The following SOX5 variants were observed in gnomAD, a reference collection of about 807,000 sequenced individuals.
SOX5 encodes transcription factor SOX-5.
A neutral mutation model predicts 92.0 loss-of-function variants in SOX5; 9 were observed. The observed-to-expected ratio is 0.10, with a 90% confidence interval of 0.06 to 0.17. SOX5 has a LOEUF of 0.17. Among genes scored for constraint, SOX5 ranks in the 10% least tolerant of loss-of-function variants. The probability of loss-of-function intolerance (pLI) is 1.00; values close to 1 mark genes in which losing one functional copy is unlikely to be tolerated. For missense variants in SOX5, 642 were observed against 944.5 expected (o/e 0.68, Z 4.20); for synonymous variants, 344 against 336.3 (o/e 1.02, Z -0.25).
chr12:24,282,101 T>C (rs1163119122), intron 2 of SOX5, among the ~76,000 whole-genome samples: 1 of 152,214 alleles, frequency 6.6e-6, no homozygotes, highest in Non-Finnish European at 1.5e-5. Flanking sequence ...CCGTAGTACT[T>C]TGCTATGCTG....
At chr12:23,815,398 C>T (rs2095969477) in intron 3 of SOX5, among the ~76,000 whole-genome samples, 2 of 152,146 alleles carry the variant, frequency 1.3e-5, no homozygotes, top group African/African-American at 4.8e-5. Flanking sequence ...GTACCAACAA[C>T]AACCTTTTTT....
In SOX5 at chr12:24,412,217, T is replaced by G. The variant is rs111788922; in HGVS notation, c.-250-43578A>C. On this transcript the variant is annotated intron_variant, in intron 1 of 4. Coordinates refer to the SOX5 transcript ENST00000446891. Reference sequence around the variant, plus strand: ...CTCTGTTAGTCTTACTAGAAATTTGTCAATTTTACTGATCTTTTAAAGTAA... The same window carrying G: ...CTCTGTTAGTCTTACTAGAAATTTGGCAATTTTACTGATCTTTTAAAGTAA... 4.0e-3 allele frequency among the ~76,000 whole-genome samples: 607 copies of G among 152,302 alleles called. 4 individuals are homozygous for G. The highest frequency in any genetic ancestry group is 0.017 in the Middle Eastern group (5 of 294).
chr12:24,412,596 C>A (rs557808218), intron 1 of SOX5, among the ~76,000 whole-genome samples: 1 of 151,990 alleles, frequency 6.6e-6, no homozygotes, highest in African/African-American at 2.4e-5. Context: ...TTCCTGTTCT[C>A]TTTCTGTTAT....
intron 3 of SOX5, among the ~76,000 whole-genome samples, chr12:24,262,822 T>A (rs1442147910): frequency 1.3e-5 from 2 of 152,196 alleles, no homozygotes; most frequent in Non-Finnish European, 2.9e-5. Flanking sequence ...TGACACAACT[T>A]CTGACAAAAG....
chr12:23,663,443 C>A (rs1247564082), intron 7 of SOX5, among the ~76,000 whole-genome samples: 2 of 152,058 alleles, frequency 1.3e-5, no homozygotes, highest in Admixed American at 6.6e-5. Context: ...TGTTCTTGAC[C>A]TTTTCCAGGC....
chr12:23,888,357 G>T (rs2097093520), intron 2 of SOX5, among the ~76,000 whole-genome samples: 1 of 151,970 alleles, frequency 6.6e-6, no homozygotes, highest in Non-Finnish European at 1.5e-5. Context: ...ACACTGTGTG[G>T]GGATAATAGT....
chr12:24,541,520 A>G (rs866207900), intron 1 of SOX5, among the ~76,000 whole-genome samples: 29 of 152,174 alleles, frequency 1.9e-4, no homozygotes, highest in African/African-American at 6.5e-4. Context: ...ATTTTTCCTT[A>G]GCTGCCCTAC....
At chr12:23,627,778 C>G (rs894224462) in intron 8 of SOX5, among the ~76,000 whole-genome samples, 1 of 151,684 alleles carries the variant, frequency 6.6e-6, no homozygotes, top group Non-Finnish European at 1.5e-5. Context: ...AATATTATTA[C>G]TTGTAAGTTT....
At chr12:24,272,335 T>G (rs1943869015) in intron 3 of SOX5, among the ~76,000 whole-genome samples, 1 of 152,134 alleles carries the variant, frequency 6.6e-6, no homozygotes, top group Admixed American at 6.6e-5. Flanking sequence ...GACAGTTAGT[T>G]GTTTCTTTTT....
Position 24,501,695 on chromosome 12 carries a change from T to C in SOX5, c.-251+60634A>G, listed in dbSNP as rs775120650. Among the ~76,000 whole-genome samples the C allele has an allele frequency of 3.6e-4, 54 of 151,982 alleles. 2 individuals carry two copies. The highest frequency in any genetic ancestry group is 1.3e-4 in the Admixed American group (2 of 15,256). On this transcript the variant is annotated intron_variant, in intron 1 of 4. Coordinates refer to the SOX5 transcript ENST00000446891. ...ACCAAAAATTAGCTGAGTGTTGTGGTGTGCACCTGTAGCCCCAGTTACTTG... is the reference window on the plus strand; with the variant it reads ...ACCAAAAATTAGCTGAGTGTTGTGGCGTGCACCTGTAGCCCCAGTTACTTG...
At chr12:23,892,655 A>AT (rs769901323) in intron 2 of SOX5, among the ~76,000 whole-genome samples, 1 of 152,234 alleles carries the variant, frequency 6.6e-6, no homozygotes, top group Non-Finnish European at 1.5e-5. Flanking sequence ...ACAGAAAAAA[A>AT]CAGCTGGAAT....
At chr12:24,278,464 G>A (rs1944757601) in intron 2 of SOX5, among the ~76,000 whole-genome samples, 1 of 152,116 alleles carries the variant, frequency 6.6e-6, no homozygotes, top group South Asian at 2.1e-4. Flanking sequence ...TGTAATCCCA[G>A]CACTCTGGGA....
chr12:24,160,472 A>G (rs992795137), intron 4 of SOX5, among the ~76,000 whole-genome samples: 3 of 152,000 alleles, frequency 2.0e-5, no homozygotes, highest in African/African-American at 7.2e-5. Flanking sequence ...AATATTTATA[A>G]TCAATGAAGT....
intron 3 of SOX5, among the ~76,000 whole-genome samples, chr12:24,228,748 T>C (rs538272609): frequency 3.4e-4 from 51 of 152,126 alleles, no homozygotes; most frequent in African/African-American, 1.2e-3. Flanking sequence ...CCCTGAATAT[T>C]TCTCCTTCAT....
At chr12:24,283,154 G>T (rs2140431738) in intron 2 of SOX5, among the ~76,000 whole-genome samples, 1 of 152,206 alleles carries the variant, frequency 6.6e-6, no homozygotes, top group South Asian at 2.1e-4. Flanking sequence ...TGTAATTAAA[G>T]GTTTTACTAT....
intron 1 of SOX5, among the ~76,000 whole-genome samples, chr12:24,517,766 T>A (rs1457031260): frequency 6.6e-6 from 1 of 151,952 alleles, no homozygotes; most frequent in African/African-American, 2.4e-5. Flanking sequence ...GGTAAGCTTA[T>A]ATTCCTACAC....
chr12:24,074,595 T>A (rs1351526540), intron 4 of SOX5, among the ~76,000 whole-genome samples: 1 of 124,114 alleles, frequency 8.1e-6, no homozygotes, highest in South Asian at 2.6e-4. Flanking sequence ...CACACAAACC[T>A]GGTGTCAGGC....
chr12:24,418,429 C>T (rs933737278), intron 1 of SOX5, among the ~76,000 whole-genome samples: 5 of 152,158 alleles, frequency 3.3e-5, no homozygotes, highest in East Asian at 1.9e-4. Context: ...AATGGGCATA[C>T]GACACTATGT....
chr12:23,551,455 G>A (rs574529675), intron 11 of SOX5, among the ~76,000 whole-genome samples: 3 of 151,842 alleles, frequency 2.0e-5, no homozygotes, highest in African/African-American at 7.2e-5. Context: ...TGGGAGAAAA[G>A]GGTTTCTTGT....
Sources: gnomAD v4.1 joint callset for allele counts (sites outside exome capture counted in the v4.1 genomes callset) on GRCh38, gnomAD v4.1.1 for gene constraint, MANE v1.5 for transcripts, NCBI Gene and HGNC (gene_info 2026-07-23, HGNC 2026-07-21) for gene names.